The following HHAT variants were observed in gnomAD, a reference collection of about 807,000 sequenced individuals.
HHAT encodes the protein protein-cysteine N-palmitoyltransferase HHAT.
In HHAT, 47 loss-of-function variants were observed where a neutral mutation model predicts 70.8. The observed-to-expected ratio is 0.66, with a 90% CI of 0.53 to 0.85. The LOEUF (loss-of-function observed/expected upper bound fraction) is 0.85, where lower values mean the gene tolerates loss of function less well. HHAT is among the 40% of genes least tolerant of loss of function. HHAT has a pLI of 0.00. For missense variants in HHAT, 609 were observed against 604.8 expected, an observed-to-expected ratio of 1.01 and a Z score of -0.07; for synonymous variants, 228 against 247.6, an observed-to-expected ratio of 0.92 and a Z score of 0.74.
At chr1:210,566,255 A>G (rs1654721333) in intron 9 of HHAT, among the ~76,000 whole-genome samples, 1 of 152,182 alleles carries the variant, frequency 6.6e-6, no homozygotes, top group Non-Finnish European at 1.5e-5. Flanking sequence ...AGAAAATATT[A>G]AACATTGTCT....
In HHAT at chr1:210,584,550, G is replaced by C. The variant is rs549623957; in HGVS notation, c.1044-3348G>C. The stretch of plus-strand genomic sequence containing the variant: ...ACACCAATGACCAAGCAGCCTCTGG[G>C]GGGCAGCAGAACACCGGATAAGACT... On this transcript the variant is annotated intron_variant, in intron 9 of 11. Coordinates refer to ENST00000261458, the MANE Select transcript of HHAT (RefSeq NM_018194.6). Among the ~76,000 whole-genome samples the C allele has an allele frequency of 7.9e-5, 12 of 152,202 alleles. No homozygotes were observed. In the South Asian group the frequency reaches 2.3e-3, roughly 29 times the overall value.
chr1:210,650,397 T>C (rs533167615), intron 11 of HHAT, among the ~76,000 whole-genome samples: 1 of 152,174 alleles, frequency 6.6e-6, no homozygotes, highest in Non-Finnish European at 1.5e-5. Flanking sequence ...CTGTGGAGGA[T>C]AGGACATCTT....
intron 8 of HHAT, among the ~76,000 whole-genome samples, chr1:210,499,881 A>G (rs576708180): frequency 6.6e-6 from 1 of 152,356 alleles, no homozygotes; most frequent in South Asian, 2.1e-4. Context: ...GCTCCAATAT[A>G]TCATGAGCAT....
chr1:210,348,656 C>T (rs1339601307), intron 1 of HHAT, among the ~76,000 whole-genome samples: 1 of 151,862 alleles, frequency 6.6e-6, no homozygotes, highest in Non-Finnish European at 1.5e-5. Flanking sequence ...GATGTATACT[C>T]TGATGGGAGA....
At chr1:210,643,572 T>C (rs377542182) in intron 11 of HHAT, among the ~76,000 whole-genome samples, 1 of 152,228 alleles carries the variant, frequency 6.6e-6, no homozygotes, top group South Asian at 2.1e-4. Context: ...ATCATGGTAA[T>C]CATGTCAGTT....
chr1:210,600,854 A>G (rs1421961356), intron 10 of HHAT, among the ~76,000 whole-genome samples: 2 of 152,082 alleles, frequency 1.3e-5, no homozygotes, highest in East Asian at 1.9e-4. Context: ...AGAAGAGTCT[A>G]TATCTCAAAT....
At chr1:210,660,064 G>T (rs1484619734) in intron 11 of HHAT, among the ~76,000 whole-genome samples, 1 of 152,136 alleles carries the variant, frequency 6.6e-6, no homozygotes, top group Admixed American at 6.5e-5. Flanking sequence ...GGAAGTTCTG[G>T]CCAGGGCAAT....
At chr1:210,432,003 T>G (rs1177690371) in intron 7 of HHAT, among the ~76,000 whole-genome samples, 1 of 151,922 alleles carries the variant, frequency 6.6e-6, no homozygotes, top group Admixed American at 6.5e-5. Context: ...ATATCCCATT[T>G]TGCAGTCCTA....
chr1:210,387,426 G>C, intron 3 of HHAT, 42 bp from the exon 4 acceptor site: 1 of 1,495,400 alleles, frequency 6.7e-7, no homozygotes, highest in Non-Finnish European at 9.3e-7. Context: ...TGACTCAGAC[G>C]TGTACTGAAA....
chr1:210,617,577 G>A (rs933316814), intron 10 of HHAT, among the ~76,000 whole-genome samples: 3 of 152,196 alleles, frequency 2.0e-5, no homozygotes, highest in Non-Finnish European at 4.4e-5. Context: ...CATGGCTTAA[G>A]TTCTCTAACT....
At chr1:210,479,613 A>G (rs2094360769) in intron 8 of HHAT, among the ~76,000 whole-genome samples, 1 of 152,212 alleles carries the variant, frequency 6.6e-6, no homozygotes, top group Non-Finnish European at 1.5e-5. Context: ...AGCATGTCCT[A>G]GTTTACTTGA....
chr1:210,617,347 T>G (rs1247257871), intron 10 of HHAT, among the ~76,000 whole-genome samples: 2 of 152,224 alleles, frequency 1.3e-5, no homozygotes, highest in Non-Finnish European at 2.9e-5. Flanking sequence ...TGAAGAAATA[T>G]CAAAGCATTT....
intron 7 of HHAT, among the ~76,000 whole-genome samples, chr1:210,427,752 G>A (rs532749918): frequency 1.3e-5 from 2 of 152,248 alleles, no homozygotes; most frequent in East Asian, 1.9e-4. Flanking sequence ...GCCATGTGAT[G>A]ATGAGAAGAA....
upstream of HHAT, chr1:210,328,813 G>T (rs886886182): frequency 1.8e-5 from 7 of 383,006 alleles, no homozygotes; most frequent in Middle Eastern, 6.8e-4. Context: ...CGCAGGCCGC[G>T]CTCTGGCCCG....
intron 2 of HHAT, among the ~76,000 whole-genome samples, chr1:210,357,483 C>G (rs2087764059): frequency 6.6e-6 from 1 of 152,210 alleles, no homozygotes; most frequent in Non-Finnish European, 1.5e-5. Context: ...TTATCCAAAT[C>G]TATTTCTCCA....
chr1:210,445,249 A>G (rs2093612025), intron 7 of HHAT, among the ~76,000 whole-genome samples: 1 of 152,174 alleles, frequency 6.6e-6, no homozygotes, highest in Admixed American at 6.5e-5. Context: ...CTCTGCCTTT[A>G]CTATTTGCCT....
intron 7 of HHAT, among the ~76,000 whole-genome samples, chr1:210,445,366 A>G (rs1044582333): frequency 1.3e-5 from 2 of 152,120 alleles, no homozygotes; most frequent in Non-Finnish European, 2.9e-5. Context: ...AGAGCTTTCA[A>G]CCTACTTTGA....
intron 8 of HHAT, among the ~76,000 whole-genome samples, chr1:210,473,795 T>C (rs909771524): frequency 2.6e-5 from 4 of 151,930 alleles, no homozygotes; most frequent in African/African-American, 4.9e-5. Context: ...TCCTTGCTAA[T>C]GAAAAAAGAG....
intron 9 of HHAT, among the ~76,000 whole-genome samples, chr1:210,545,617 T>C (rs1307055857): frequency 2.0e-5 from 3 of 151,926 alleles, no homozygotes; most frequent in Admixed American, 6.6e-5. Context: ...TTGTATTTTT[T>C]GTAGAGATGG....
Sources: gnomAD v4.1 joint callset for allele counts (sites outside exome capture counted in the v4.1 genomes callset) on GRCh38, gnomAD v4.1.1 for gene constraint, MANE v1.5 for transcripts, NCBI Gene and HGNC (gene_info 2026-07-23, HGNC 2026-07-21) for gene names.